Variants in FAAH2 observed in about 807,000 individuals in gnomAD.
The protein encoded by FAAH2 is fatty-acid amide hydrolase 2.
Under a neutral mutation model 36.9 loss-of-function variants are expected in FAAH2, and 60 were observed. That is an observed-to-expected ratio of 1.63 (90% CI 1.32 to 2.02). The LOEUF (loss-of-function observed/expected upper bound fraction) is 2.02. FAAH2 is among the 30% of genes most tolerant of loss of function. The probability of loss-of-function intolerance (pLI) is 0.00; values close to 1 mark genes in which losing one functional copy is unlikely to be tolerated. For missense variants in FAAH2, 689 were observed against 397.5 expected, an observed-to-expected ratio of 1.73 and a Z score of -6.23; for synonymous variants, 214 against 143.8, an observed-to-expected ratio of 1.49 and a Z score of -3.49.
At chrX:57,363,881 T>C (rs964795539) in intron 5 of FAAH2, among the ~76,000 whole-genome samples, 2 of 111,150 alleles carry the variant, frequency 1.8e-5, no homozygotes, top group East Asian at 2.8e-4. Context: ...GATTTGCATA[T>C]GTTGAGCAAT....
intron 7 of FAAH2, among the ~76,000 whole-genome samples, chrX:57,429,316 G>A (rs2147104716): frequency 1.0e-5 from 1 of 100,485 alleles, no homozygotes; most frequent in South Asian, 4.9e-4. Flanking sequence ...TCCAGCCTGG[G>A]CCATAGAGTG....
chrX:57,218,528 C>A, the FAAH2 span, among the ~76,000 whole-genome samples: 1 of 111,778 alleles, frequency 8.9e-6, no homozygotes, highest in Non-Finnish European at 1.9e-5. Context: ...TTTAACCACC[C>A]CTGCATCCCT....
chrX:57,440,661 G>T (rs1303571996), intron 8 of FAAH2, among the ~76,000 whole-genome samples: 2 of 111,454 alleles, frequency 1.8e-5, no homozygotes, highest in Non-Finnish European at 1.9e-5. Flanking sequence ...GGTGAGAGAG[G>T]GCATCCCTGT....
At chrX:57,361,466 G>A (rs1240654946) in intron 5 of FAAH2, among the ~76,000 whole-genome samples, 1 of 110,346 alleles carries the variant, frequency 9.1e-6, no homozygotes, top group African/African-American at 3.3e-5. Flanking sequence ...GTATCCCATG[G>A]GTTTTGATAT....
intron 2 of FAAH2, among the ~76,000 whole-genome samples, chrX:57,305,339 G>C (rs2052491304): frequency 9.3e-6 from 1 of 107,094 alleles, no homozygotes; most frequent in Non-Finnish European, 1.9e-5. Flanking sequence ...ACTACTATAA[G>C]CCAGAAAAAC....
the FAAH2 span, among the ~76,000 whole-genome samples, chrX:57,140,543 C>T: frequency 9.7e-6 from 1 of 102,677 alleles, no homozygotes; most frequent in Admixed American, 1.1e-4. Context: ...TGCAGTGAGC[C>T]GAGCTCCTGC....
At position 57,286,869 on chromosome X, in the gene FAAH2, G is replaced by T; in HGVS notation, c.44G>T (p.Arg15Leu). Residue 15 changes from arginine (R) to leucine (L), a missense_variant, in exon 1 of 11, where the codon CGG (arginine) becomes CTG (leucine). By Grantham distance (102) the Arg-to-Leu change is moderately radical. Coordinates refer to ENST00000374900, the MANE Select transcript of FAAH2 (RefSeq NM_174912.4). ...FTARIQLFLL[R>L]ALGFLIGLVG... ...GCCCGCATTCAGTTGTTCCTCTTGC[G>T]GGCGCTAGGCTTTCTCATAGGCTTA... The T allele has an allele frequency of 8.4e-7, 1 of 1,192,068 alleles. No homozygotes were observed. Among genetic ancestry groups the T allele is most frequent in the Non-Finnish European group, 1.1e-6 (1 of 886,397 alleles).
chrX:57,456,261 G>A (rs1194025933), intron 10 of FAAH2, among the ~76,000 whole-genome samples: 2 of 111,936 alleles, frequency 1.8e-5, no homozygotes, highest in Non-Finnish European at 3.8e-5. Context: ...TGAAATAGGA[G>A]ACACAGCTTA....
intron 5 of FAAH2, among the ~76,000 whole-genome samples, chrX:57,347,461 A>G (rs1348792726): frequency 9.0e-6 from 1 of 110,710 alleles, no homozygotes; most frequent in Non-Finnish European, 1.9e-5. Flanking sequence ...CAGTTCTTAG[A>G]TCATTTTAAT....
intron 7 of FAAH2, among the ~76,000 whole-genome samples, chrX:57,413,563 G>C (rs1365030080): frequency 9.0e-6 from 1 of 111,481 alleles, no homozygotes; most frequent in Non-Finnish European, 1.9e-5. Context: ...CCTCTGTTCT[G>C]TTCCATTTAT....
intron 7 of FAAH2, among the ~76,000 whole-genome samples, chrX:57,414,798 C>T (rs141727655): frequency 0.014 from 1,488 of 107,752 alleles, 20 homozygotes; most frequent in Middle Eastern, 0.029. Context: ...ATGGTATCAA[C>T]TCCTCCTTGT....
the FAAH2 span, among the ~76,000 whole-genome samples, chrX:57,231,157 C>T: frequency 9.2e-6 from 1 of 108,396 alleles, no homozygotes; most frequent in African/African-American, 3.4e-5. Flanking sequence ...TTTGAGGATT[C>T]CAAAATTAAC....
At chrX:57,273,317 A>G in the FAAH2 span, among the ~76,000 whole-genome samples, 2 of 111,183 alleles carry the variant, frequency 1.8e-5, no homozygotes, top group African/African-American at 6.5e-5. Context: ...TAATGGGAGA[A>G]TTTCACACTC....
At chrX:57,224,332 C>A in the FAAH2 span, among the ~76,000 whole-genome samples, 1 of 111,776 alleles carries the variant, frequency 8.9e-6, no homozygotes, top group Admixed American at 9.5e-5. Flanking sequence ...ACAATACCCC[C>A]AAAATTAAGA....
chrX:57,276,641 G>T, the FAAH2 span, among the ~76,000 whole-genome samples: 26 of 110,937 alleles, frequency 2.3e-4, no homozygotes, highest in Non-Finnish European at 4.3e-4. Context: ...CAGGAGCTGG[G>T]TTTATGAAAA....
At chrX:57,257,409 T>C in the FAAH2 span, among the ~76,000 whole-genome samples, 1 of 111,357 alleles carries the variant, frequency 9.0e-6, no homozygotes, top group Non-Finnish European at 1.9e-5. Flanking sequence ...TGGATGAAGC[T>C]GGAAACCATC....
the FAAH2 span, among the ~76,000 whole-genome samples, chrX:57,157,819 T>A: frequency 3.6e-5 from 4 of 111,321 alleles, no homozygotes; most frequent in South Asian, 1.5e-3. Flanking sequence ...TTTTATTTTT[T>A]ATTTTTTATT....
the FAAH2 span, among the ~76,000 whole-genome samples, chrX:57,251,846 G>A: frequency 8.9e-6 from 1 of 111,938 alleles, no homozygotes; most frequent in South Asian, 3.8e-4. Context: ...AGGAATGGTT[G>A]GAGAGTGGGT....
intron 5 of FAAH2, among the ~76,000 whole-genome samples, chrX:57,350,370 A>G (rs2053967695): frequency 9.1e-6 from 1 of 110,412 alleles, no homozygotes; most frequent in Admixed American, 9.7e-5. Context: ...AAGCAATCAC[A>G]CAAAAATGGA....
Sources: allele counts gnomAD v4.1 joint callset (sites outside exome capture counted in the v4.1 genomes callset), GRCh38; gene constraint gnomAD v4.1.1; transcripts MANE v1.5; gene names NCBI Gene and HGNC (gene_info 2026-07-23, HGNC 2026-07-21).